The following NXPE2 variants were observed in gnomAD, a reference collection of about 807,000 sequenced individuals.
NXPE2 encodes the protein neurexophilin and PC-esterase domain family member 2.
Under a neutral mutation model 34.4 loss-of-function variants are expected in NXPE2, and 34 were observed. The ratio of observed to expected loss-of-function variants is 0.99; its 90% CI spans 0.75 to 1.31. The LOEUF is 1.31. NXPE2 is among the 40% of genes most tolerant of loss of function. NXPE2 has a pLI of 0.00. For missense variants in NXPE2, 649 were observed against 672.5 expected (o/e 0.97, Z 0.39); for synonymous variants, 235 against 231.3 (o/e 1.02, Z -0.15).
At chr11:114,694,350 G>A (rs543070046) in intron 2 of NXPE2, among the ~76,000 whole-genome samples, 43 of 152,270 alleles carry the variant, frequency 2.8e-4, no homozygotes, top group African/African-American at 9.9e-4. Context: ...TTTCTTTCCT[G>A]TATGGCTTGT....
chr11:114,578,998 T>C, the NXPE2 span, among the ~76,000 whole-genome samples: 1 of 152,190 alleles, frequency 6.6e-6, no homozygotes, highest in African/African-American at 2.4e-5. Context: ...ATTAGTCTGT[T>C]TGCATTGCTA....
At chr11:114,493,777 T>C in the NXPE2 span, among the ~76,000 whole-genome samples, 1 of 152,206 alleles carries the variant, frequency 6.6e-6, no homozygotes, top group Non-Finnish European at 1.5e-5. Context: ...TTCTGTATTT[T>C]TCTGTGTTTT....
the NXPE2 span, among the ~76,000 whole-genome samples, chr11:114,525,859 G>A: frequency 1.3e-5 from 2 of 152,204 alleles, no homozygotes; most frequent in Non-Finnish European, 2.9e-5. Context: ...GCCTTTGGAA[G>A]TTAATCCACT....
chr11:114,810,366 C>T, the NXPE2 span, among the ~76,000 whole-genome samples: 19 of 123,126 alleles, frequency 1.5e-4, no homozygotes, highest in East Asian at 3.9e-3. Flanking sequence ...TAAAGAGCTT[C>T]TGCACAGCAA....
the NXPE2 span, among the ~76,000 whole-genome samples, chr11:114,660,831 T>C: frequency 6.6e-6 from 1 of 152,158 alleles, no homozygotes; most frequent in Non-Finnish European, 1.5e-5. Context: ...AATATGATTA[T>C]CTAAATAGAA....
the NXPE2 span, among the ~76,000 whole-genome samples, chr11:114,507,108 A>C: frequency 6.6e-6 from 1 of 152,152 alleles, no homozygotes; most frequent in East Asian, 1.9e-4. Context: ...TATGTACATA[A>C]ACTAGAAAAT....
the NXPE2 span, among the ~76,000 whole-genome samples, chr11:114,475,148 T>A: frequency 2.8e-5 from 4 of 145,026 alleles, no homozygotes; most frequent in Non-Finnish European, 6.1e-5. Context: ...ATTTCTACGT[T>A]TGGGTCAGTT....
chr11:114,541,591 G>A, the NXPE2 span, among the ~76,000 whole-genome samples: 3 of 152,150 alleles, frequency 2.0e-5, no homozygotes, highest in African/African-American at 7.2e-5. Context: ...TATACATTTT[G>A]GGGAGGCATG....
At chr11:114,798,223 T>C in the NXPE2 span, among the ~76,000 whole-genome samples, 1 of 152,210 alleles carries the variant, frequency 6.6e-6, no homozygotes, top group Admixed American at 6.5e-5. Context: ...TAATGATAAA[T>C]GGCAGCACAA....
the NXPE2 span, chr11:114,517,997 G>A: frequency 1.3e-5 from 2 of 152,624 alleles, no homozygotes; most frequent in African/African-American, 2.4e-5. Flanking sequence ...CACAAGGTGC[G>A]TAGGTGCCTG....
At chr11:114,782,999 G>C in the NXPE2 span, among the ~76,000 whole-genome samples, 2 of 152,190 alleles carry the variant, frequency 1.3e-5, no homozygotes, top group African/African-American at 2.4e-5. Context: ...TGTTAAAAAC[G>C]CATAACTCGA....
At chr11:114,713,479 A>C in the NXPE2 span, among the ~76,000 whole-genome samples, 1 of 152,220 alleles carries the variant, frequency 6.6e-6, no homozygotes, top group African/African-American at 2.4e-5. Flanking sequence ...TATGTAGATG[A>C]AAATTCACTC....
At chr11:114,578,440 AAAG>A in the NXPE2 span, among the ~76,000 whole-genome samples, 4 of 152,294 alleles carry the variant, frequency 2.6e-5, no homozygotes, top group African/African-American at 9.6e-5. Flanking sequence ...ATGTGATGCT[AAAG>A]GCTGTTACTA....
the NXPE2 span, among the ~76,000 whole-genome samples, chr11:114,771,137 A>G: frequency 6.6e-6 from 1 of 151,858 alleles, no homozygotes; most frequent in East Asian, 1.9e-4. Flanking sequence ...GCACTGACTG[A>G]CTTTTCTCCA....
chr11:114,553,672 G>T, the NXPE2 span: 13 of 970,826 alleles, frequency 1.3e-5, no homozygotes, highest in African/African-American at 1.4e-4. Context: ...CATTTATTCC[G>T]AAATCAATGT....
chr11:114,631,058 A>G, the NXPE2 span, among the ~76,000 whole-genome samples: 3 of 151,732 alleles, frequency 2.0e-5, no homozygotes, highest in African/African-American at 4.8e-5. Flanking sequence ...AAATAGGAAC[A>G]CTTTTACACT....
At chr11:114,749,006 C>T in the NXPE2 span, among the ~76,000 whole-genome samples, 26 of 152,268 alleles carry the variant, frequency 1.7e-4, no homozygotes, top group South Asian at 4.8e-3. Flanking sequence ...GTTTGACATA[C>T]CTTTATCATT....
At chr11:114,578,505 A>G in the NXPE2 span, among the ~76,000 whole-genome samples, 2 of 152,158 alleles carry the variant, frequency 1.3e-5, no homozygotes, top group Non-Finnish European at 2.9e-5. Context: ...GAGTTTAGTC[A>G]TTTACCAGAG....
chr11:114,773,240 C>T, the NXPE2 span, among the ~76,000 whole-genome samples: 3 of 150,004 alleles, frequency 2.0e-5, no homozygotes, highest in Non-Finnish European at 4.4e-5. Flanking sequence ...GCCTTGGGTT[C>T]AGTCAGGGGC....
Sources: gnomAD v4.1 joint callset for allele counts (sites outside exome capture counted in the v4.1 genomes callset) on GRCh38, gnomAD v4.1.1 for gene constraint, MANE v1.5 for transcripts, NCBI Gene and HGNC (gene_info 2026-07-23, HGNC 2026-07-21) for gene names.